IFT56: variants seen among roughly 807,000 people sequenced by gnomAD.
IFT56 encodes the protein intraflagellar transport 56, also known as intraflagellar transport protein 56.
chr7:139,168,515 C>T, the IFT56 span: 1 of 725,574 alleles, frequency 1.4e-6, no homozygotes, highest in South Asian at 1.5e-5. Context: ...TTTTATTTCT[C>T]CATATCCCCC....
chr7:139,184,966 A>C, the IFT56 span, among the ~76,000 whole-genome samples: 7 of 151,446 alleles, frequency 4.6e-5, no homozygotes, highest in African/African-American at 1.7e-4. Context: ...AGGCAGGAGA[A>C]TGGCGTGAAC....
chr7:139,133,988 T>G, the IFT56 span: 1 of 1,123,382 alleles, frequency 8.9e-7, no homozygotes, highest in African/African-American at 1.5e-5. Flanking sequence ...TCTCCCTGTG[T>G]TCCCACGGGG....
At chr7:139,137,361 A>G in the IFT56 span, among the ~76,000 whole-genome samples, 1 of 152,208 alleles carries the variant, frequency 6.6e-6, no homozygotes, top group African/African-American at 2.4e-5. Context: ...GTTACAACCT[A>G]TTAGTAAATA....
At chr7:139,154,923 C>T in the IFT56 span, among the ~76,000 whole-genome samples, 1 of 152,108 alleles carries the variant, frequency 6.6e-6, no homozygotes, top group African/African-American at 2.4e-5. Flanking sequence ...GGGATTAATG[C>T]TATCTTAATA....
chr7:139,149,755 T>C, the IFT56 span, among the ~76,000 whole-genome samples: 1 of 152,220 alleles, frequency 6.6e-6, no homozygotes, highest in Non-Finnish European at 1.5e-5. Context: ...TAGAGGCTAT[T>C]GTAGTTCTCG....
the IFT56 span, among the ~76,000 whole-genome samples, chr7:139,135,301 A>AAAAAAAC: frequency 7.1e-6 from 1 of 141,600 alleles, no homozygotes; most frequent in African/African-American, 2.9e-5. Context: ...AAAAAAAACA[A>AAAAAAAC]AACAAAACTT....
At chr7:139,185,053 C>CA in the IFT56 span, among the ~76,000 whole-genome samples, 23,493 of 111,358 alleles carry the variant, frequency 0.21, 3,771 homozygotes, top group African/African-American at 0.42. Context: ...GACTCCATCT[C>CA]AAAAAAAAAA....
chr7:139,148,188 A>C, the IFT56 span: 5 of 1,594,058 alleles, frequency 3.1e-6, no homozygotes, highest in African/African-American at 1.3e-5. Flanking sequence ...GGTTAACCCT[A>C]ATTCTTTCAT....
the IFT56 span, chr7:139,168,369 A>T: frequency 6.2e-7 from 1 of 1,611,482 alleles, no homozygotes; most frequent in East Asian, 2.2e-5. Flanking sequence ...GGAGTGGTCA[A>T]TGCAGCCCTT....
the IFT56 span, among the ~76,000 whole-genome samples, chr7:139,180,801 G>T: frequency 6.6e-6 from 1 of 152,194 alleles, no homozygotes. Flanking sequence ...CGACGAGTAG[G>T]ATTGAATGAA....
At chr7:139,136,080 T>C in the IFT56 span, among the ~76,000 whole-genome samples, 1 of 152,100 alleles carries the variant, frequency 6.6e-6, no homozygotes, top group Admixed American at 6.6e-5. Flanking sequence ...CCTGCCACCA[T>C]ACCTGGCTAA....
the IFT56 span, chr7:139,187,535 C>T: frequency 6.2e-7 from 1 of 1,613,870 alleles, no homozygotes; most frequent in Non-Finnish European, 8.5e-7. Context: ...TGGGAGAGAA[C>T]CCAAGTAAGT....
chr7:139,165,938 CTTTAT>C, the IFT56 span, among the ~76,000 whole-genome samples: 1 of 152,050 alleles, frequency 6.6e-6, no homozygotes, highest in African/African-American at 2.4e-5. Flanking sequence ...AACAGTCCTA[CTTTAT>C]TTTATTTGTT....
chr7:139,148,660 C>T, the IFT56 span, among the ~76,000 whole-genome samples: 13 of 152,264 alleles, frequency 8.5e-5, no homozygotes, highest in Admixed American at 6.5e-4. Flanking sequence ...TGCTTCTGGC[C>T]GGGCGCTGTG....
chr7:139,137,986 G>A, the IFT56 span: 1 of 1,159,034 alleles, frequency 8.6e-7, no homozygotes, highest in Non-Finnish European at 1.3e-6. Context: ...TGTTTAAAAT[G>A]TTATTAAACT....
At chr7:139,142,490 A>G in the IFT56 span, among the ~76,000 whole-genome samples, 1 of 152,090 alleles carries the variant, frequency 6.6e-6, no homozygotes, top group Admixed American at 6.5e-5. Context: ...TACCTACTGC[A>G]TTTATTCAGA....
chr7:139,149,116 TAACAC>T, the IFT56 span, among the ~76,000 whole-genome samples: 2 of 151,218 alleles, frequency 1.3e-5, no homozygotes, highest in Admixed American at 1.3e-4. Context: ...CCATCCTGGC[TAACAC>T]AGTGAAACTC....
chr7:139,187,687 G>A, the IFT56 span: 6 of 1,026,884 alleles, frequency 5.8e-6, no homozygotes, highest in Non-Finnish European at 8.3e-6. Flanking sequence ...AAATATTTCT[G>A]TCTGACCATT....
At chr7:139,191,185 A>C in the IFT56 span, 2 of 152,206 alleles carry the variant, frequency 1.3e-5, no homozygotes, top group Non-Finnish European at 2.9e-5. Context: ...CACAAATCAA[A>C]ATAAACTGGC....
Sources: gnomAD v4.1 joint callset for allele counts (sites outside exome capture counted in the v4.1 genomes callset) on GRCh38, gnomAD v4.1.1 for gene constraint, MANE v1.5 for transcripts, NCBI Gene and HGNC (gene_info 2026-07-23, HGNC 2026-07-21) for gene names.